Variants in UNC13A observed in about 807,000 individuals in gnomAD.
The protein encoded by UNC13A is unc-13 homolog A.
A neutral mutation model predicts 219.7 loss-of-function variants in UNC13A; 61 were observed. The observed-to-expected ratio is 0.28, with a 90% CI of 0.23 to 0.34. The LOEUF (loss-of-function observed/expected upper bound fraction) is 0.34. Among genes scored for constraint, UNC13A ranks in the 10% least tolerant of loss-of-function variants. The pLI, the probability that UNC13A is intolerant of heterozygous loss-of-function variation, is 1.00. For synonymous variants in UNC13A, 920 were observed against 884.6 expected (o/e 1.04, Z -0.71); for missense variants, 1,476 against 2,270.3 (o/e 0.65, Z 7.11).
At chr19:17,679,842 C>A (rs73924311) in intron 1 of UNC13A, among the ~76,000 whole-genome samples, 3,310 of 152,174 alleles carry the variant, frequency 0.022, 132 homozygotes, top group African/African-American at 0.075. Flanking sequence ...GCTCCTCTTC[C>A]CTAAGCCTCA....
At position 17,666,522 on chromosome 19, in the gene UNC13A, G is replaced by A. The variant is rs941379097; in HGVS notation, c.523+128C>T. Reference sequence around the variant, plus strand: ...TCAGAACGCTGATTTCTAATACACTGTAAGTGGACACTGCACTCTCAGGAC... The same window carrying A: ...TCAGAACGCTGATTTCTAATACACTATAAGTGGACACTGCACTCTCAGGAC... On this transcript the variant is annotated intron_variant, in intron 7 of 43. Transcript: ENST00000519716. 1.9e-5 allele frequency: 12 copies of A among 637,346 alleles called. No individual in the cohort carries two copies. In the East Asian group the frequency reaches 3.7e-4, roughly 20 times the overall value. The allele number at this position is 637,346 out of a possible 1,614,324, so 39.5% of individuals were successfully genotyped here.
In UNC13A at chr19:17,640,572, G is replaced by A; in HGVS notation, c.2726C>T (p.Ala909Val). Residue 909 changes from alanine to valine, a missense_variant, in exon 22 of 44, where the codon GCA becomes GTA. Ala to Val is a moderately conservative substitution (Grantham distance 64). Coordinates refer to ENST00000519716, the MANE Select transcript of UNC13A (RefSeq NM_001080421.3). ...CACGTTGGTGGAGGCGGTGGTGTGT[G>A]CGTAGTAGGCATTGATGTTGGCGAG... ...TLLANINAYY[A>V]HTTASTNVSA... 1 of 1,564,758 alleles carries A rather than the reference G, an allele frequency of 6.4e-7. No individual in the cohort carries two copies. The highest frequency in any genetic ancestry group is 8.7e-7 in the Non-Finnish European group (1 of 1,155,254).
chr19:17,663,699 C>T (rs764885274), intron 7 of UNC13A, 132 bp from the exon 8 acceptor site: 6 of 872,612 alleles, frequency 6.9e-6, no homozygotes, highest in Non-Finnish European at 1.1e-5. Flanking sequence ...TCCTGAGTAC[C>T]TTCCCTGAGT....
intron 35 of UNC13A, 103 bp downstream of exon 35, chr19:17,624,726 C>T (rs928383064): frequency 1.5e-5 from 21 of 1,447,620 alleles, no homozygotes; most frequent in African/African-American, 8.5e-5. Flanking sequence ...TCTCTGAGAC[C>T]GGATGCCTTT....
chr19:17,681,834 G>T (rs1481300028), intron 1 of UNC13A, among the ~76,000 whole-genome samples: 1 of 152,166 alleles, frequency 6.6e-6, no homozygotes, highest in Non-Finnish European at 1.5e-5. Context: ...GGCCCTGGGG[G>T]ACCCCTCTTG....
rs2079281594 is a variant in UNC13A, at chr19:17,648,350, GCCCTTCAGCCTTT to G, written c.1816+68_1816+80del. ...CCCATGGTGCCCCACCCATCGCCTT[GCCCTTCAGCCTTT>G]CCCCGCCATGCAAGCCCCGGGGCTC... On this transcript the variant is annotated intron_variant, in intron 16 of 43. Transcript: ENST00000519716. 4 of 513,326 alleles carry G rather than the reference GCCCTTCAGCCTTT, an allele frequency of 7.8e-6. No individual in the cohort carries two copies. In the Admixed American group the frequency reaches 2.8e-4, roughly 35 times the overall value. 31.8% of individuals were successfully genotyped at this position (513,326 alleles called of 1,614,324 possible).
chr19:17,630,326 A>G, intron 29 of UNC13A, 38 bp from the exon 30 acceptor site: 1 of 1,552,688 alleles, frequency 6.4e-7, no homozygotes. Context: ...GGAGGAGATC[A>G]GCACCAGAGA....
chr19:17,637,271 A>G lies in UNC13A; in HGVS notation c.3082-1114T>C, dbSNP rs576306527. 4.5e-4 allele frequency among the ~76,000 whole-genome samples: 68 copies of G among 149,800 alleles called. 1 individual carries two copies. The highest frequency in any genetic ancestry group is 1.5e-3 in the African/African-American group (60 of 40,564). ...ATTACAGGTGTGAGCCACTGAGCCC[A>G]GCCTGGCTCACTAATTTGTCAAGAA... On this transcript the variant is annotated intron_variant, in intron 25 of 43. Transcript: ENST00000519716.
At chr19:17,620,767 G>T (rs767524212) in intron 37 of UNC13A, 45 bp from the exon 38 acceptor site, 2 of 1,608,562 alleles carry the variant, frequency 1.2e-6, no homozygotes, top group South Asian at 1.1e-5. Flanking sequence ...GTGACTGTTG[G>T]GAGGATACTC....
chr19:17,680,552 G>T (rs910096363), intron 1 of UNC13A, among the ~76,000 whole-genome samples: 1 of 152,090 alleles, frequency 6.6e-6, no homozygotes, highest in African/African-American at 2.4e-5. Context: ...GGCCGTACCC[G>T]GGGAGGCTGA....
intron 41 of UNC13A, chr19:17,616,546 T>G (rs1599831955): frequency 1.8e-4 from 88 of 494,448 alleles, no homozygotes; most frequent in East Asian, 3.1e-4. Flanking sequence ...GAGGTGAGGA[T>G]GGAGGAGTGT....
intron 15 of UNC13A, 27 bp from the exon 16 acceptor site, chr19:17,648,677 G>T (rs780492701): frequency 5.0e-6 from 8 of 1,588,878 alleles, no homozygotes; most frequent in Non-Finnish European, 6.9e-6. Context: ...GGTGCGGTTT[G>T]GGGGCGCCTA....
chr19:17,626,759 A>G lies in UNC13A; in HGVS notation c.3947T>C (p.Val1316Ala). The G allele has an allele frequency of 6.2e-7, 1 of 1,612,420 alleles. No homozygotes were observed. The highest frequency in any genetic ancestry group is 8.5e-7 in the Non-Finnish European group (1 of 1,179,228). ...TSFQPHIEEC[V>A]KQMGDILSQV... ...GCTAAGGATGTCACCCATCTGTTTG[A>G]CACACTCTTCAATGTGCGGCTGGAA... Residue 1316 changes from valine (V) to alanine (A), a missense_variant, in exon 34 of 44, where the codon GTC becomes GCC. Val to Ala is a moderately conservative substitution (Grantham distance 64). This residue lies in a region of UNC13A where 218 missense variants were observed against 409.4 expected (regional missense o/e 0.53). Transcript: ENST00000519716.
chr19:17,614,801 C>T (rs1010706473), intron 41 of UNC13A, among the ~76,000 whole-genome samples: 2 of 152,134 alleles, frequency 1.3e-5, no homozygotes, highest in Non-Finnish European at 2.9e-5. Flanking sequence ...CCCCACCCCC[C>T]GCCACCAGTC....
At position 17,674,615 on chromosome 19, in the gene UNC13A, C is replaced by T; in HGVS notation, c.152+42G>A. On this transcript the variant is annotated intron_variant, in intron 3 of 43. Coordinates refer to ENST00000519716, the MANE Select transcript of UNC13A (RefSeq NM_001080421.3). This position sits in a 1 kb window ranked among gnomAD's most constrained non-coding sequence, Gnocchi z 5.0. The stretch of plus-strand genomic sequence containing the variant: ...CCTGAGGGGCCAGCGAGGTGCTGGG[C>T]TATGCCAGGGAGTGAGGTCATGCCA... 6.3e-7 allele frequency: 1 copy of T among 1,581,748 alleles called. No homozygotes were observed. Among genetic ancestry groups the T allele is most frequent in the South Asian group, 1.1e-5 (1 of 90,396 alleles).
At chr19:17,644,122 C>G (rs1193460070) in intron 19 of UNC13A, among the ~76,000 whole-genome samples, 1 of 152,140 alleles carries the variant, frequency 6.6e-6, no homozygotes, top group Non-Finnish European at 1.5e-5. Flanking sequence ...GTTCTTTGAT[C>G]TGTAGCAGCC....
In UNC13A at chr19:17,674,108, C is replaced by T. The variant is rs2079849429; in HGVS notation, c.152+549G>A. 6.6e-6 allele frequency among the ~76,000 whole-genome samples: 1 copy of T among 152,176 alleles called. No homozygotes were observed. The highest frequency in any genetic ancestry group is 2.4e-5 in the African/African-American group (1 of 41,444). ...GAGGTAGTGGTCAGGGAGGGCTTCA[C>T]TGAGGAGGTGACACAAGCTGAGACC... On this transcript the variant is annotated intron_variant, in intron 3 of 43. Transcript: ENST00000519716. The surrounding 1 kb of genome is among the most constrained non-coding windows in gnomAD (Gnocchi z 5.0).
At chr19:17,623,494 GAC>G (rs2076750857) in intron 36 of UNC13A, 46 bp downstream of exon 36, 4 of 1,508,266 alleles carry the variant, frequency 2.7e-6, no homozygotes, top group East Asian at 2.6e-5. Context: ...GCCGAGTCCA[GAC>G]ACAGAGAGGA....
rs35723230 is a variant in UNC13A at position 17,646,269 on chromosome 19, G to GTGTTTGTGTGTTTGTTTGTT, written c.2045-159_2045-158insAACAAACAAACACACAAACA. Among the ~76,000 whole-genome samples, 285 of 150,854 alleles carry GTGTTTGTGTGTTTGTTTGTT rather than the reference G, an allele frequency of 1.9e-3. 1 individual carries two copies. The highest frequency in any genetic ancestry group is 2.3e-3 in the African/African-American group (95 of 40,912). ...TGGGCTTGCCAGAGAGGTTTTTTGT[G>GTGTTTGTGTGTTTGTTTGTT]TGTTTGTTTGTTTGTTTGTTTGTTT... On this transcript the variant is annotated intron_variant, in intron 17 of 43. Transcript: ENST00000519716.
Sources: gnomAD v4.1 joint callset for allele counts (sites outside exome capture counted in the v4.1 genomes callset) on GRCh38, gnomAD v4.1.1 for gene constraint, gnomAD v4.1.1 regional missense constraint, Gnocchi (gnomAD v3.1) non-coding constraint, MANE v1.5 for transcripts, NCBI Gene and HGNC (gene_info 2026-07-23, HGNC 2026-07-21) for gene names.